WDR72: variants seen among roughly 807,000 people sequenced by gnomAD.
The protein encoded by WDR72 is WD repeat domain 72.
Under a neutral mutation model 124.2 loss-of-function variants are expected in WDR72, and 120 were observed. The ratio of observed to expected loss-of-function variants is 0.97; its 90% confidence interval spans 0.83 to 1.12. The LOEUF is 1.12. WDR72 is among the 50% of genes most tolerant of loss of function. The pLI is 0.00. For missense variants in WDR72, 1,387 were observed against 1,278.8 expected (o/e 1.08, Z -1.29); for synonymous variants, 452 against 441.7 (o/e 1.02, Z -0.29).
chr15:53,627,738 C>T (rs557021331), intron 14 of WDR72, among the ~76,000 whole-genome samples: 9 of 136,784 alleles, frequency 6.6e-5, no homozygotes, highest in African/African-American at 2.7e-4. Flanking sequence ...ATACTAAAAA[C>T]ATTTAATTAG....
chr15:53,699,869 C>A lies in WDR72; in HGVS notation c.1646G>T (p.Cys549Phe). ...VALLHLEGKS[C>F]LLHARKHLFP... ...AAGGTGCTTCCGGGCATGCAGGAGG[C>A]AACTCTTTCCCTCAAGGTGAAGGAG... Residue 549 changes from cysteine to phenylalanine, a missense_variant, in exon 13 of 20, where the codon TGC becomes TTC. Physicochemically the swap from Cys to Phe is radical, Grantham distance 205. Transcript: ENST00000360509. The A allele has an allele frequency of 6.2e-7, 1 of 1,614,110 alleles. No homozygotes were observed.
Position 53,517,642 on chromosome 15 carries a change from G to A in WDR72, c.*57C>T, listed in dbSNP as rs1382129812. On this transcript the variant is annotated 3_prime_UTR_variant, in exon 20 of 20. Coordinates refer to ENST00000360509, the MANE Select transcript of WDR72 (RefSeq NM_182758.4). ...TGCTTTTATACAGTAATAAACAAAT[G>A]GCATCTTTTGGATTTCTTAATTTGT... 1.9e-6 allele frequency: 3 copies of A among 1,549,814 alleles called. No individual in the cohort carries two copies. The highest frequency in any genetic ancestry group is 2.7e-6 in the Non-Finnish European group (3 of 1,122,116).
At chr15:53,616,750 CATT>C (rs2013784359) in intron 14 of WDR72, among the ~76,000 whole-genome samples, 2 of 151,920 alleles carry the variant, frequency 1.3e-5, no homozygotes. Context: ...TGTTGACTTG[CATT>C]TGATTTTGCC....
At chr15:53,651,348 G>C (rs1480082884) in intron 14 of WDR72, among the ~76,000 whole-genome samples, 3 of 152,110 alleles carry the variant, frequency 2.0e-5, no homozygotes, top group Non-Finnish European at 2.9e-5. Context: ...TTAATTCCCT[G>C]CAGAGCCTTT....
intron 17 of WDR72, among the ~76,000 whole-genome samples, chr15:53,607,933 A>C (rs1371927553): frequency 6.6e-6 from 1 of 152,208 alleles, no homozygotes; most frequent in Non-Finnish European, 1.5e-5. Context: ...TCATCAGAGA[A>C]ATGCAAATCA....
At chr15:53,573,081 T>C (rs1304446005) in intron 18 of WDR72, among the ~76,000 whole-genome samples, 1 of 152,190 alleles carries the variant, frequency 6.6e-6, no homozygotes, top group Non-Finnish European at 1.5e-5. Context: ...AACAGTGCCA[T>C]TCAACTCTGA....
At chr15:53,668,947 C>CAGGAGGAGGAGGAGGAGG (rs143700484) in intron 13 of WDR72, among the ~76,000 whole-genome samples, 3 of 83,790 alleles carry the variant, frequency 3.6e-5, no homozygotes, top group African/African-American at 8.3e-5. Context: ...GGAGGAGGAG[C>CAGGAGGAGGAGGAGGAGG]AGGAGGAGGA....
At chr15:53,552,474 G>A (rs1402858920) in intron 18 of WDR72, among the ~76,000 whole-genome samples, 1 of 152,066 alleles carries the variant, frequency 6.6e-6, no homozygotes, top group Non-Finnish European at 1.5e-5. Flanking sequence ...TATTTGCACA[G>A]CTACCCAATC....
rs148877909 is a variant in WDR72, at chr15:53,615,749, G to C, written c.2457C>G (p.Leu819=). 19 of 1,613,414 alleles carry C rather than the reference G, an allele frequency of 1.2e-5. No homozygotes were observed. Among genetic ancestry groups the C allele is most frequent in the Non-Finnish European group, 1.6e-5 (19 of 1,179,632 alleles). Residue 819 remains leucine (L), a synonymous_variant, in exon 15 of 20, where the codon CTC becomes CTG. Transcript: ENST00000360509. ...KDLDYLCIKH[L]NILKLQGPIS... Reference sequence around the variant, plus strand: ...TAGGACCCTGAAGCTTTAAAATATTGAGGTGCTTAATGCAAAGATAATCTA... The same window carrying C: ...TAGGACCCTGAAGCTTTAAAATATTCAGGTGCTTAATGCAAAGATAATCTA...
chr15:53,553,368 T>G (rs931436132), intron 18 of WDR72, among the ~76,000 whole-genome samples: 3 of 152,214 alleles, frequency 2.0e-5, no homozygotes, highest in Non-Finnish European at 4.4e-5. Context: ...GCTAATGAGC[T>G]GCCTCAACCC....
intron 19 of WDR72, among the ~76,000 whole-genome samples, chr15:53,522,349 G>A (rs1279546068): frequency 6.6e-6 from 1 of 151,962 alleles, no homozygotes. Flanking sequence ...ACATGGATCA[G>A]CACACAAAGA....
Position 53,722,888 on chromosome 15 carries a change from T to G in WDR72, c.174A>C (p.Leu58=). The G allele has an allele frequency of 6.2e-7, 1 of 1,614,080 alleles. No individual in the cohort carries two copies. The highest frequency in any genetic ancestry group is 8.5e-7 in the Non-Finnish European group (1 of 1,179,976). Residue 58 remains leucine (L), a synonymous_variant, in exon 3 of 20, where the codon CTA becomes CTC. Coordinates refer to ENST00000360509, the MANE Select transcript of WDR72 (RefSeq NM_182758.4). ...ATGTTACCGAAGCTGAATGACCAAA[T>G]AGGAGTTCTTTCGCTGAAATCTGAA... ...HELKISAKEL[L]FGHSASVTCL... is the part of the protein sequence containing the mutation.
chr15:53,708,057 G>T (rs34753584), intron 9 of WDR72, among the ~76,000 whole-genome samples: 5,859 of 152,174 alleles, frequency 0.039, 140 homozygotes, highest in Non-Finnish European at 0.049. Flanking sequence ...CTTCTCACTT[G>T]CTCACACTCA....
intron 1 of WDR72, among the ~76,000 whole-genome samples, chr15:53,745,992 T>C (rs1009044760): frequency 6.6e-6 from 1 of 152,248 alleles, no homozygotes; most frequent in East Asian, 1.9e-4. Context: ...CTTCGTTATT[T>C]TGGTTGTTCT....
At chr15:53,626,144 G>T (rs193183423) in intron 14 of WDR72, among the ~76,000 whole-genome samples, 1 of 152,250 alleles carries the variant, frequency 6.6e-6, no homozygotes, top group East Asian at 1.9e-4. Context: ...CCAAAATAGC[G>T]GCAGGCCACT....
intron 18 of WDR72, among the ~76,000 whole-genome samples, chr15:53,537,268 T>G (rs1407313925): frequency 6.6e-6 from 1 of 152,196 alleles, no homozygotes; most frequent in Non-Finnish European, 1.5e-5. Flanking sequence ...GATGGTTTAA[T>G]TGAATGACAT....
chr15:53,667,440 AT>A (rs2015819160), intron 13 of WDR72, among the ~76,000 whole-genome samples: 2 of 151,638 alleles, frequency 1.3e-5, no homozygotes, highest in South Asian at 2.1e-4. Flanking sequence ...AGGAAAAAAA[AT>A]ATTGATATAT....
rs371227564 is a variant in WDR72 at position 53,597,202 on chromosome 15, C to T, written c.3025G>A (p.Val1009Ile). 4.5e-5 allele frequency: 73 copies of T among 1,613,726 alleles called. No homozygotes were observed. The highest frequency in any genetic ancestry group is 5.5e-5 in the South Asian group (5 of 91,068). The part of the protein sequence containing the change: ...QHMKSLGKIP[V>I]NSQPVSMAEN... ...GCCATGGACACTGGTTGACTATTGACGGGTATCTTTCCCAAACTCTTCATG... is the reference window on the plus strand; with the variant it reads ...GCCATGGACACTGGTTGACTATTGATGGGTATCTTTCCCAAACTCTTCATG... Residue 1009 changes from valine (V) to isoleucine (I), a missense_variant, in exon 18 of 20, where the codon GTC (valine) becomes ATC (isoleucine). Transcript: ENST00000360509.
At chr15:53,747,692 C>T (rs1016800147) in intron 1 of WDR72, among the ~76,000 whole-genome samples, 3 of 152,168 alleles carry the variant, frequency 2.0e-5, no homozygotes, top group African/African-American at 7.2e-5. Flanking sequence ...CAAACTTCAC[C>T]TCCTCGCTCA....
Sources: allele counts gnomAD v4.1 joint callset (sites outside exome capture counted in the v4.1 genomes callset), GRCh38; gene constraint gnomAD v4.1.1; transcripts MANE v1.5; gene names NCBI Gene and HGNC (gene_info 2026-07-23, HGNC 2026-07-21).